The following SMTNL2 variants were observed in gnomAD, a reference collection of about 807,000 sequenced individuals.
SMTNL2 encodes the protein smoothelin-like protein 2.
Under a neutral mutation model 44.1 loss-of-function variants are expected in SMTNL2, and 43 were observed. That is an observed-to-expected ratio of 0.98 (90% CI 0.76 to 1.26). SMTNL2 has a LOEUF of 1.26. SMTNL2 is among the 50% of genes most tolerant of loss of function. SMTNL2 has a pLI of 0.00. For missense variants in SMTNL2, 646 were observed against 670.2 expected, an observed-to-expected ratio of 0.96 and a Z score of 0.40; for synonymous variants, 317 against 287.6, an observed-to-expected ratio of 1.10 and a Z score of -1.03.
intron 1 of SMTNL2, among the ~76,000 whole-genome samples, chr17:4,591,840 C>T (rs532975581): frequency 2.0e-4 from 30 of 152,332 alleles, no homozygotes; most frequent in African/African-American, 7.0e-4. Flanking sequence ...GCTGATCAGG[C>T]GCTTGCACTC....
intron 7 of SMTNL2, among the ~76,000 whole-genome samples, chr17:4,606,125 C>CTT (rs564171666): frequency 2.7e-5 from 4 of 147,032 alleles, no homozygotes; most frequent in African/African-American, 9.9e-5. Context: ...TAAGCAATCT[C>CTT]TTTTTTTTTT....
At chr17:4,596,835 C>A in intron 5 of SMTNL2, 25 bp from the exon 6 acceptor site, 1 of 1,426,100 alleles carries the variant, frequency 7.0e-7, no homozygotes, top group Non-Finnish European at 9.2e-7. Context: ...GGGGCCCCCG[C>A]AGCAGGCCTG....
rs1597420610 is a variant in SMTNL2, at chr17:4,607,565, C to T, written c.*78C>T. 3.2e-6 allele frequency: 5 copies of T among 1,563,840 alleles called. No homozygotes were observed. The East Asian group carries it at 1.1e-4, about 35-fold the overall frequency. Reference sequence around the variant, plus strand: ...CGCTTGCGATTCCCCAGCCAGGATGCCCCCAGGAGCCTTGCCGTTTGGTGT... The same window carrying T: ...CGCTTGCGATTCCCCAGCCAGGATGTCCCCAGGAGCCTTGCCGTTTGGTGT... On this transcript the variant is annotated 3_prime_UTR_variant, in exon 8 of 8. Coordinates refer to ENST00000389313, the MANE Select transcript of SMTNL2 (RefSeq NM_001114974.2). The surrounding 1 kb of genome is among the most constrained non-coding windows in gnomAD (Gnocchi z 4.7).
chr17:4,597,082 T>G, intron 6 of SMTNL2, 90 bp from the exon 7 acceptor site: 3 of 1,531,252 alleles, frequency 2.0e-6, no homozygotes, highest in Non-Finnish European at 2.6e-6. Flanking sequence ...CCGCTGAGGC[T>G]GGGGTTAAGG....
At chr17:4,590,850 G>A (rs1189574531) in intron 1 of SMTNL2, among the ~76,000 whole-genome samples, 3 of 152,194 alleles carry the variant, frequency 2.0e-5, no homozygotes, top group African/African-American at 7.2e-5. Flanking sequence ...AGGACCTTGG[G>A]CTCCTTCTTG....
intron 6 of SMTNL2, 73 bp downstream of exon 6, chr17:4,597,050 G>T: frequency 6.7e-7 from 1 of 1,489,942 alleles, no homozygotes; most frequent in Non-Finnish European, 9.0e-7. Flanking sequence ...CCCTGTCCTT[G>T]TTCTCCCGCC....
In SMTNL2 at chr17:4,584,751, C is replaced by T; in HGVS notation, c.146C>T (p.Ala49Val). The T allele has an allele frequency of 7.6e-7, 1 of 1,308,514 alleles. No homozygotes were observed. 81.1% of individuals were successfully genotyped at this position (1,308,514 alleles called of 1,614,324 possible). A position where few individuals can be genotyped will look rare whatever the true frequency, so the allele number is the denominator to read the frequency against. The part of the protein sequence containing the change: ...QRGVERRVAE[A>V]MRLAGPLART... ...GGCGTGGAGCGGCGAGTGGCAGAGGCGATGCGCCTGGCCGGCCCCCTGGCG... is the reference window on the plus strand; with the variant it reads ...GGCGTGGAGCGGCGAGTGGCAGAGGTGATGCGCCTGGCCGGCCCCCTGGCG... Residue 49 changes from alanine (A) to valine (V), a missense_variant, in exon 1 of 8, where the codon GCG (alanine) becomes GTG (valine). Ala to Val is a moderately conservative substitution (Grantham distance 64). Coordinates refer to ENST00000389313, the MANE Select transcript of SMTNL2 (RefSeq NM_001114974.2).
rs534421323 is a variant in SMTNL2, at chr17:4,595,891, G to C, written c.989+564G>C. On this transcript the variant is annotated intron_variant, in intron 5 of 7. Coordinates refer to ENST00000389313, the MANE Select transcript of SMTNL2 (RefSeq NM_001114974.2). The surrounding 1 kb of genome is among the most constrained non-coding windows in gnomAD (Gnocchi z 5.1). Reference sequence around the variant, plus strand: ...TCAGTGCATGGTATTGATGCCTGCTGTGTGCAGAGTGTGGCCCAAGCGTGG... The same window carrying C: ...TCAGTGCATGGTATTGATGCCTGCTCTGTGCAGAGTGTGGCCCAAGCGTGG... 1.2e-3 allele frequency among the ~76,000 whole-genome samples: 180 copies of C among 152,210 alleles called. No homozygotes were observed. The highest frequency in any genetic ancestry group is 4.1e-3 in the African/African-American group (170 of 41,556).
At chr17:4,604,134 C>T (rs1302196163) in intron 7 of SMTNL2, among the ~76,000 whole-genome samples, 1 of 152,170 alleles carries the variant, frequency 6.6e-6, no homozygotes, top group South Asian at 2.1e-4. Flanking sequence ...CATGAGCCAC[C>T]GCGCCCGGCC....
At chr17:4,594,396 C>A (rs765135217) in intron 4 of SMTNL2, among the ~76,000 whole-genome samples, 7 of 152,004 alleles carry the variant, frequency 4.6e-5, no homozygotes, top group Non-Finnish European at 5.9e-5. Context: ...TTGCAGTGAG[C>A]CAAGATGGTG....
At chr17:4,596,264 G>A (rs1426526886) in intron 5 of SMTNL2, among the ~76,000 whole-genome samples, 3 of 152,206 alleles carry the variant, frequency 2.0e-5, no homozygotes, top group South Asian at 2.1e-4. Context: ...TGCAGGGTGT[G>A]GCCCAGGCCT....
chr17:4,594,845 C>T lies in SMTNL2; in HGVS notation c.807-300C>T, dbSNP rs1041643299. On this transcript the variant is annotated intron_variant, in intron 4 of 7. Transcript: ENST00000389313. The stretch of plus-strand genomic sequence containing the variant: ...CCCTCCGGGGCTGGTTCTGAGCACA[C>T]CTCCTGCCTGAGGAGGGGGTCCCTC... Among the ~76,000 whole-genome samples, 21 of 152,110 alleles carry T rather than the reference C, an allele frequency of 1.4e-4. 1 individual carries two copies. Among genetic ancestry groups the T allele is most frequent in the African/African-American group, 3.1e-4 (13 of 41,414 alleles).
In SMTNL2 at chr17:4,593,012, C is replaced by T. The variant is rs112578571; in HGVS notation, c.571C>T (p.Arg191Trp). The change falls in exon 3 of 8, where the codon CGG (arginine) becomes TGG (tryptophan). Residue 191 changes from arginine (R) to tryptophan (W), a missense_variant. Coordinates refer to ENST00000389313, the MANE Select transcript of SMTNL2 (RefSeq NM_001114974.2). ...PRPRPVSLSL[R>W]LPHQPVTAIT... is the part of the protein sequence containing the mutation. The stretch of plus-strand genomic sequence containing the variant: ...GCCTCGTCCTGTGAGCCTCTCCTTG[C>T]GGCTGCCCCACCAGCCAGTCACGGC... The T allele has an allele frequency of 5.6e-5, 91 of 1,613,730 alleles. No homozygotes were observed. The highest frequency in any genetic ancestry group is 4.0e-5 in the African/African-American group (3 of 74,928).
intron 7 of SMTNL2, among the ~76,000 whole-genome samples, chr17:4,603,228 G>A (rs1910119249): frequency 6.6e-6 from 1 of 152,122 alleles, no homozygotes; most frequent in Non-Finnish European, 1.5e-5. Flanking sequence ...TTAGGGAGTG[G>A]CAAGACCTGG....
intron 7 of SMTNL2, among the ~76,000 whole-genome samples, chr17:4,601,498 A>C (rs939206987): frequency 6.6e-6 from 1 of 151,370 alleles, no homozygotes; most frequent in African/African-American, 2.4e-5. Flanking sequence ...TTCTCCTTTG[A>C]ACTTTCTGTT....
upstream of SMTNL2, chr17:4,584,028 G>A (rs1045269688): frequency 1.3e-5 from 2 of 152,326 alleles, no homozygotes; most frequent in Admixed American, 6.5e-5. Context: ...GTCAGGGAGG[G>A]GACCTCACCA....
At chr17:4,599,655 T>C (rs1909949643) in intron 7 of SMTNL2, among the ~76,000 whole-genome samples, 1 of 152,036 alleles carries the variant, frequency 6.6e-6, no homozygotes, top group Non-Finnish European at 1.5e-5. Flanking sequence ...GGGAGAGGGA[T>C]GCCCCGGGCC....
Position 4,607,291 on chromosome 17 carries a change from C to G in SMTNL2, c.1260-70C>G, listed in dbSNP as rs1211072361. The G allele has an allele frequency of 6.3e-7, 1 of 1,594,176 alleles. No individual in the cohort carries two copies. The highest frequency in any genetic ancestry group is 1.1e-5 in the South Asian group (1 of 89,212). Reference sequence around the variant, plus strand: ...AGCTCTGTTCCCGGGACCGAGACACCGGCCCTGTCGCGGCTGTGGGGCTGG... The same window carrying G: ...AGCTCTGTTCCCGGGACCGAGACACGGGCCCTGTCGCGGCTGTGGGGCTGG... On this transcript the variant is annotated intron_variant, in intron 7 of 7. Coordinates refer to ENST00000389313, the MANE Select transcript of SMTNL2 (RefSeq NM_001114974.2). This position sits in a 1 kb window ranked among gnomAD's most constrained non-coding sequence, Gnocchi z 4.7.
intron 1 of SMTNL2, among the ~76,000 whole-genome samples, chr17:4,586,097 A>G (rs73331910): frequency 0.016 from 2,461 of 152,298 alleles, 65 homozygotes; most frequent in African/African-American, 0.053. Flanking sequence ...CTGTGCAGGA[A>G]GCCTCAGAAA....
Sources: allele counts gnomAD v4.1 joint callset (sites outside exome capture counted in the v4.1 genomes callset), GRCh38; gene constraint gnomAD v4.1.1; non-coding constraint Gnocchi (gnomAD v3.1); transcripts MANE v1.5; gene names NCBI Gene and HGNC (gene_info 2026-07-23, HGNC 2026-07-21).